Variants in STRIP1 observed in about 807,000 individuals in gnomAD.
STRIP1 encodes striatin-interacting protein 1.
In STRIP1, 63 loss-of-function variants were observed where a neutral mutation model predicts 106.2. That is an observed-to-expected ratio of 0.59 (90% CI 0.48 to 0.73). STRIP1 has a LOEUF of 0.73. Ranked by LOEUF, STRIP1 falls within the 30% of genes least tolerant of loss-of-function variation. The pLI, the probability that STRIP1 is intolerant of heterozygous loss-of-function variation, is 0.00. For missense variants in STRIP1, 857 were observed against 1,074.8 expected (o/e 0.80, Z 2.83); for synonymous variants, 390 against 413.0 (o/e 0.94, Z 0.67).
In STRIP1 at chr1:110,041,531, C is replaced by G. The variant is rs1206509102; in HGVS notation, c.651-5C>G. ...ACTCCATTGTGAGCTGGCTCTTGTCCTCAGGGTCCTGCTCAACATCATGTA... is the reference window on the plus strand; with the variant it reads ...ACTCCATTGTGAGCTGGCTCTTGTCGTCAGGGTCCTGCTCAACATCATGTA... On this transcript the variant is annotated splice_polypyrimidine_tract_variant and splice_region_variant and intron_variant, in intron 6 of 20. Transcript: ENST00000369795. 2 of 1,612,218 alleles carry G rather than the reference C, an allele frequency of 1.2e-6. No homozygotes were observed. Among genetic ancestry groups the G allele is most frequent in the Non-Finnish European group, 1.7e-6 (2 of 1,178,504 alleles).
chr1:110,039,149 G>A (rs1323046412), intron 3 of STRIP1, 23 bp from the exon 4 acceptor site: 4 of 1,613,104 alleles, frequency 2.5e-6, no homozygotes, highest in Non-Finnish European at 2.5e-6. Flanking sequence ...AGGCTCAGGT[G>A]TAACTGGTTT....
At position 110,039,205 on chromosome 1, in the gene STRIP1, A is replaced by G. The variant is rs113710728; in HGVS notation, c.359A>G (p.Asn120Ser). Residue 120 changes from asparagine to serine, a missense_variant, in exon 4 of 21, where the codon AAC becomes AGC. Physicochemically the swap from Asn to Ser is conservative, Grantham distance 46. This residue lies in a region of STRIP1 where 750 missense variants were observed against 989.8 expected (regional missense o/e 0.76). Transcript: ENST00000369795. ...AAGAAGTGGACTGAGCTGGATACCA[A>G]CCAGCACCGGACCCATGCCATGAGG... Reference protein sequence around the residue: ...TDKKWTELDTNQHRTHAMRLL... With the variant: ...TDKKWTELDTSQHRTHAMRLL... The G allele has an allele frequency of 9.1e-5, 147 of 1,614,030 alleles. No homozygotes were observed. The highest frequency in any genetic ancestry group is 1.2e-4 in the Non-Finnish European group (138 of 1,180,022).
chr1:110,033,725 T>C (rs1395532047), upstream of STRIP1, among the ~76,000 whole-genome samples: 1 of 152,214 alleles, frequency 6.6e-6, no homozygotes, highest in Non-Finnish European at 1.5e-5. Flanking sequence ...ACATATGAAC[T>C]TTAGGATTGA....
In STRIP1 at chr1:110,051,159, A is replaced by G. The variant is rs796627264; in HGVS notation, c.2061+99A>G. 4.1e-5 allele frequency: 33 copies of G among 798,080 alleles called. No homozygotes were observed. In the African/African-American group the frequency reaches 5.4e-4, roughly 13 times the overall value. 49.4% of individuals were successfully genotyped at this position (798,080 alleles called of 1,614,324 possible). ...AGGGTGGGGCTCACTGTGCCTTCTC[A>G]CTTAACTTTGCTGTAGCCGTATCCT... On this transcript the variant is annotated intron_variant, in intron 19 of 20. Coordinates refer to ENST00000369795, the MANE Select transcript of STRIP1 (RefSeq NM_033088.4).
At position 110,039,532 on chromosome 1, in the gene STRIP1, G is replaced by C. The variant is rs368738488; in HGVS notation, c.581+17G>C. ...GGAAATAGAGTGAGCATTTTTGAGA[G>C]GCTGAGTAGGGAAGGGGAGGCTGGG... On this transcript the variant is annotated intron_variant, in intron 5 of 20. Coordinates refer to ENST00000369795, the MANE Select transcript of STRIP1 (RefSeq NM_033088.4). 4 of 1,587,518 alleles carry C rather than the reference G, an allele frequency of 2.5e-6. No individual in the cohort carries two copies. Among genetic ancestry groups the C allele is most frequent in the African/African-American group, 2.7e-5 (2 of 74,708 alleles).
At chr1:110,035,667 G>T (rs1418756715) in intron 1 of STRIP1, among the ~76,000 whole-genome samples, 1 of 152,046 alleles carries the variant, frequency 6.6e-6, no homozygotes, top group Non-Finnish European at 1.5e-5. Flanking sequence ...TAATGAGCAG[G>T]TTCCCAGAGC....
rs910392704 is a variant in STRIP1, at chr1:110,043,942, G to A, written c.1286+86G>A. ...CCTGCCACCTGGCCTGTGTCACCAT[G>A]TGTGGTCCTCTGCAGGGCAGGCTGA... On this transcript the variant is annotated intron_variant, in intron 10 of 20. Coordinates refer to ENST00000369795, the MANE Select transcript of STRIP1 (RefSeq NM_033088.4). 117 of 1,262,866 alleles carry A rather than the reference G, an allele frequency of 9.3e-5. 2 individuals carry two copies. In the Admixed American group the frequency reaches 2.0e-3, roughly 22 times the overall value. 78.2% of individuals were successfully genotyped at this position (1,262,866 alleles called of 1,614,324 possible).
At chr1:110,053,637 A>C (rs1653400184) in intron 20 of STRIP1, 28 bp from the exon 21 acceptor site, 2 of 1,612,582 alleles carry the variant, frequency 1.2e-6, no homozygotes, top group African/African-American at 1.3e-5. Context: ...CATGGCTCCT[A>C]ACGGTGTTTC....
chr1:110,039,074 T>G, intron 3 of STRIP1, 98 bp from the exon 4 acceptor site: 1 of 1,388,790 alleles, frequency 7.2e-7, no homozygotes, highest in East Asian at 2.3e-5. Context: ...CTTATCTTTC[T>G]GGTCCTATGG....
At position 110,051,296 on chromosome 1, in the gene STRIP1, G is replaced by A. The variant is rs17025354; in HGVS notation, c.2061+236G>A. The stretch of plus-strand genomic sequence containing the variant: ...TTTATAGAAGAACTTTTTCCATGTC[G>A]TCTTAATCTTGATTGGTAACATAAT... On this transcript the variant is annotated intron_variant, in intron 19 of 20. Coordinates refer to ENST00000369795, the MANE Select transcript of STRIP1 (RefSeq NM_033088.4). Among the ~76,000 whole-genome samples the A allele has an allele frequency of 5.3e-3, 808 of 152,310 alleles. 5 individuals carry two copies. Among genetic ancestry groups the A allele is most frequent in the African/African-American group, 0.019 (777 of 41,574 alleles).
chr1:110,040,208 G>A (rs537250965), intron 5 of STRIP1, among the ~76,000 whole-genome samples: 2 of 152,130 alleles, frequency 1.3e-5, no homozygotes, highest in South Asian at 2.1e-4. Context: ...TTGAGAGAGA[G>A]TCTTGTTCTG....
intron 8 of STRIP1, among the ~76,000 whole-genome samples, chr1:110,042,335 G>A (rs1452443331): frequency 5.9e-5 from 9 of 152,330 alleles, no homozygotes; most frequent in Admixed American, 2.0e-4. Flanking sequence ...AGAGTGGGCC[G>A]TCCAGCACAC....
intron 5 of STRIP1, chr1:110,039,728 C>A: frequency 9.5e-7 from 1 of 1,055,448 alleles, no homozygotes; most frequent in Non-Finnish European, 1.4e-6. Context: ...CTCCCTGATG[C>A]CAGAGTTTTT....
At chr1:110,039,036 A>G (rs1222105594) in intron 3 of STRIP1, 136 bp from the exon 4 acceptor site, 1 of 1,002,736 alleles carries the variant, frequency 1.0e-6, no homozygotes, top group African/African-American at 1.6e-5. Flanking sequence ...GAGCAGCAGT[A>G]TGATCTTACC....
In STRIP1 at chr1:110,043,690, A is replaced by G; in HGVS notation, c.1120A>G (p.Lys374Glu). Residue 374 changes from lysine to glutamate, a missense_variant, in exon 10 of 21, where the codon AAG becomes GAG. By Grantham distance (56) the Lys-to-Glu change is moderately conservative. Around this residue, in one of 2 missense-constraint regions of STRIP1, gnomAD observed 750 missense variants for 989.8 expected, o/e 0.76. Transcript: ENST00000369795. The stretch of plus-strand genomic sequence containing the variant: ...TGCCTTCAACGAGCGGGATCCCTAC[A>G]AGGCTGATGACTCTCGAGAAGAGGA... The part of the protein sequence containing the change: ...LDAFNERDPY[K>E]ADDSREEEEE... 6.2e-7 allele frequency: 1 copy of G among 1,614,106 alleles called. No homozygotes were observed. Among genetic ancestry groups the G allele is most frequent in the Non-Finnish European group, 8.5e-7 (1 of 1,179,988 alleles).
chr1:110,046,087 T>C (rs1026769347), intron 12 of STRIP1, among the ~76,000 whole-genome samples: 1 of 152,216 alleles, frequency 6.6e-6, no homozygotes, highest in Non-Finnish European at 1.5e-5. Context: ...TGATTTTGCT[T>C]TCAGTTTTTC....
intron 15 of STRIP1, among the ~76,000 whole-genome samples, chr1:110,048,729 C>T (rs539112157): frequency 4.2e-4 from 64 of 152,244 alleles, no homozygotes; most frequent in Non-Finnish European, 7.8e-4. Flanking sequence ...ATTTATCTTA[C>T]TCCAAAACCC....
At chr1:110,047,915 G>A (rs1475348973) in intron 15 of STRIP1, 46 bp downstream of exon 15, 1 of 1,458,078 alleles carries the variant, frequency 6.9e-7, no homozygotes, top group East Asian at 2.5e-5. Context: ...GAAGATAGAT[G>A]GAGAAGGGCA....
intron 5 of STRIP1, 88 bp from the exon 6 acceptor site, chr1:110,040,546 AT>A (rs544013683): frequency 7.8e-7 from 1 of 1,279,268 alleles, no homozygotes; most frequent in Non-Finnish European, 1.1e-6. Flanking sequence ...GTATCACAGC[AT>A]TTTGTTTCCC....
Sources: gnomAD v4.1 joint callset for allele counts (sites outside exome capture counted in the v4.1 genomes callset) on GRCh38, gnomAD v4.1.1 for gene constraint, gnomAD v4.1.1 regional missense constraint, MANE v1.5 for transcripts, NCBI Gene and HGNC (gene_info 2026-07-23, HGNC 2026-07-21) for gene names.